The following NBAS variants were observed in gnomAD, a reference collection of about 807,000 sequenced individuals.
NBAS encodes the protein NAG/BC035112 fusion.
Under a neutral mutation model 302.5 loss-of-function variants are expected in NBAS, and 219 were observed. The ratio of observed to expected loss-of-function variants is 0.72; its 90% CI spans 0.65 to 0.81. The LOEUF is 0.81. NBAS is among the 30% of genes least tolerant of loss of function. NBAS has a pLI of 0.00. For missense variants in NBAS, 2,932 were observed against 2,841.6 expected, an observed-to-expected ratio of 1.03 and a Z score of -0.72; for synonymous variants, 1,118 against 1,021.6, an observed-to-expected ratio of 1.09 and a Z score of -1.80.
At chr2:15,007,293 C>A in the NBAS span, among the ~76,000 whole-genome samples, 1 of 152,190 alleles carries the variant, frequency 6.6e-6, no homozygotes, top group Non-Finnish European at 1.5e-5. Context: ...TAGAAACCAG[C>A]AGTGGCTGCT....
At chr2:14,863,451 A>T in the NBAS span, among the ~76,000 whole-genome samples, 1 of 152,146 alleles carries the variant, frequency 6.6e-6, no homozygotes, top group Admixed American at 6.5e-5. Flanking sequence ...AGATCACGAG[A>T]TCCATTGTCC....
At chr2:15,143,512 G>C in the NBAS span, among the ~76,000 whole-genome samples, 148 of 152,254 alleles carry the variant, frequency 9.7e-4, no homozygotes, top group African/African-American at 3.3e-3. Flanking sequence ...CTGTGAGATG[G>C]GTCTCTGAAT....
chr2:14,957,096 C>T, the NBAS span, among the ~76,000 whole-genome samples: 1 of 152,104 alleles, frequency 6.6e-6, no homozygotes. Flanking sequence ...ACAGTCATCT[C>T]TAAGCCAAGG....
At chr2:15,492,732 A>C (rs1680913745) in intron 11 of NBAS, among the ~76,000 whole-genome samples, 1 of 152,140 alleles carries the variant, frequency 6.6e-6, no homozygotes, top group African/African-American at 2.4e-5. Flanking sequence ...AAGTGTTGAG[A>C]TTACAGGTAT....
At chr2:15,366,969 T>C (rs1330004097) in intron 31 of NBAS, among the ~76,000 whole-genome samples, 1 of 152,194 alleles carries the variant, frequency 6.6e-6, no homozygotes, top group Non-Finnish European at 1.5e-5. Context: ...GTTTCACTGT[T>C]TTATGTACCA....
At chr2:14,822,914 T>A in the NBAS span, among the ~76,000 whole-genome samples, 2 of 152,164 alleles carry the variant, frequency 1.3e-5, no homozygotes, top group Non-Finnish European at 2.9e-5. Flanking sequence ...ATCACTTCCC[T>A]AAGGTGGGTA....
the NBAS span, among the ~76,000 whole-genome samples, chr2:15,067,106 T>G: frequency 7.1e-6 from 1 of 141,722 alleles, no homozygotes; most frequent in African/African-American, 2.7e-5. Context: ...GTGGATTACT[T>G]GAGTCCAGGA....
At chr2:15,005,280 C>G in the NBAS span, among the ~76,000 whole-genome samples, 1 of 152,176 alleles carries the variant, frequency 6.6e-6, no homozygotes, top group Non-Finnish European at 1.5e-5. Flanking sequence ...ACTAGCGACT[C>G]CCCTTACTCG....
At chr2:14,820,914 CT>C in the NBAS span, among the ~76,000 whole-genome samples, 5 of 149,580 alleles carry the variant, frequency 3.3e-5, no homozygotes, top group African/African-American at 7.3e-5. Flanking sequence ...CAGAGACACT[CT>C]TTTTTTTTTC....
chr2:14,856,070 A>G, the NBAS span, among the ~76,000 whole-genome samples: 1 of 151,384 alleles, frequency 6.6e-6, no homozygotes, highest in South Asian at 2.1e-4. Flanking sequence ...CACTCAGAGC[A>G]GAGAGAGAGA....
rs182380613 is a variant in NBAS at position 15,313,584 on chromosome 2, T to C, written c.4583-4337A>G. Among the ~76,000 whole-genome samples the C allele has an allele frequency of 7.9e-5, 12 of 152,378 alleles. No homozygotes were observed. The South Asian group carries it at 1.4e-3, about 18-fold the overall frequency. On this transcript the variant is annotated intron_variant, in intron 38 of 51. Coordinates refer to ENST00000281513, the MANE Select transcript of NBAS (RefSeq NM_015909.4). The stretch of plus-strand genomic sequence containing the variant: ...CATTTTAAGAATGTGAATGAAGATA[T>C]TCTTAGGATAAATTCCTAGAAGTGG...
intron 8 of NBAS, among the ~76,000 whole-genome samples, chr2:15,535,960 C>A (rs1663487525): frequency 6.6e-6 from 1 of 152,162 alleles, no homozygotes; most frequent in Non-Finnish European, 1.5e-5. Context: ...AACTTTCTAG[C>A]ATGATGGTAA....
rs191083915 is a variant in NBAS at position 15,194,229 on chromosome 2, A to T, written c.6433-3826T>A. 3.9e-5 allele frequency among the ~76,000 whole-genome samples: 6 copies of T among 152,312 alleles called. No homozygotes were observed. The East Asian group carries it at 1.2e-3, about 29-fold the overall frequency. ...AAGCTAAATTATTCCCAAACAGGAC[A>T]AACACAAAGAAATTCATGCCAAGTT... On this transcript the variant is annotated intron_variant, in intron 48 of 51. Coordinates refer to ENST00000281513, the MANE Select transcript of NBAS (RefSeq NM_015909.4).
At chr2:15,471,326 T>A (rs1218364411) in intron 16 of NBAS, among the ~76,000 whole-genome samples, 1 of 152,248 alleles carries the variant, frequency 6.6e-6, no homozygotes, top group Non-Finnish European at 1.5e-5. Context: ...CTTTCACCTC[T>A]GATATCTTGC....
chr2:15,186,817 G>T lies in NBAS; in HGVS notation c.6636C>A (p.Asn2212Lys), dbSNP rs779958737. 6 of 1,613,784 alleles carry T rather than the reference G, an allele frequency of 3.7e-6. No homozygotes were observed. The Admixed American group carries it at 5.0e-5, about 13-fold the overall frequency. The change falls in exon 50 of 52, where the codon AAC becomes AAA. Residue 2212 changes from asparagine to lysine, a missense_variant. Coordinates refer to ENST00000281513, the MANE Select transcript of NBAS (RefSeq NM_015909.4). Reference protein sequence around the residue: ...TVMLTRCTMENKEGLGNEVLK... With the variant: ...TVMLTRCTMEKKEGLGNEVLK... ...AAACTTCATTCCCCAATCCTTCCTTGTTCTCCATCGTACATCTGGTTAGCA... is the reference window on the plus strand; with the variant it reads ...AAACTTCATTCCCCAATCCTTCCTTTTTCTCCATCGTACATCTGGTTAGCA...
chr2:15,042,662 C>T, the NBAS span, among the ~76,000 whole-genome samples: 8 of 152,272 alleles, frequency 5.3e-5, no homozygotes, highest in East Asian at 1.4e-3. Flanking sequence ...AGACACTCTG[C>T]CCCCTTTCTT....
At chr2:15,230,056 G>A (rs918543096) in intron 47 of NBAS, among the ~76,000 whole-genome samples, 2 of 152,140 alleles carry the variant, frequency 1.3e-5, no homozygotes, top group Admixed American at 1.3e-4. Context: ...TCCAGGTTAT[G>A]AGTTTGGGAC....
chr2:15,319,432 C>A (rs1007050709), intron 38 of NBAS, among the ~76,000 whole-genome samples: 1 of 151,534 alleles, frequency 6.6e-6, no homozygotes, highest in Non-Finnish European at 1.5e-5. Context: ...ACACAAAAAA[C>A]CATTCAAAAA....
chr2:14,903,403 A>C, the NBAS span, among the ~76,000 whole-genome samples: 1 of 152,152 alleles, frequency 6.6e-6, no homozygotes, highest in Admixed American at 6.5e-5. Flanking sequence ...AATACATATA[A>C]AGTATTTTCC....
Sources: gnomAD v4.1 joint callset for allele counts (sites outside exome capture counted in the v4.1 genomes callset) on GRCh38, gnomAD v4.1.1 for gene constraint, MANE v1.5 for transcripts, NCBI Gene and HGNC (gene_info 2026-07-23, HGNC 2026-07-21) for gene names.